The following PCDH15 variants were observed in gnomAD, a reference collection of about 807,000 sequenced individuals.
The protein encoded by PCDH15 is protocadherin related 15, also known as protocadherin-15.
Under a neutral mutation model 178.5 loss-of-function variants are expected in PCDH15, and 129 were observed. The ratio of observed to expected loss-of-function variants is 0.72; its 90% confidence interval spans 0.63 to 0.84. The LOEUF (loss-of-function observed/expected upper bound fraction) is 0.84. Among genes scored for constraint, PCDH15 ranks in the 40% least tolerant of loss-of-function variants. The pLI is 0.00. For synonymous variants in PCDH15, 800 were observed against 732.0 expected, an observed-to-expected ratio of 1.09 and a Z score of -1.50; for missense variants, 2,230 against 2,099.9, an observed-to-expected ratio of 1.06 and a Z score of -1.21.
Position 54,549,220 on chromosome 10 carries a change from T to TACAC in PCDH15, c.92-21347_92-21344dup, listed in dbSNP as rs4007220. On this transcript the variant is annotated intron_variant, in intron 2 of 37. Transcript: ENST00000644397. Reference sequence around the variant, plus strand: ...TTCTTTGTCCTTATTCTCTTTTCTTTACACACACACACACACAATATTTCA... The same window carrying TACAC: ...TTCTTTGTCCTTATTCTCTTTTCTTTACACACACACACACACACACAATATTTCA... Among the ~76,000 whole-genome samples, 192 of 150,382 alleles carry TACAC rather than the reference T, an allele frequency of 1.3e-3. 1 individual carries two copies. The Middle Eastern group carries it at 0.024, about 19-fold the overall frequency.
chr10:54,167,037 G>A (rs894054249), intron 13 of PCDH15, among the ~76,000 whole-genome samples: 1 of 152,008 alleles, frequency 6.6e-6, no homozygotes, highest in Admixed American at 6.5e-5. Context: ...CTCTCTTTTC[G>A]GACTCAGCCC....
At chr10:54,130,462 C>A (rs1462860452) in intron 15 of PCDH15, among the ~76,000 whole-genome samples, 4 of 152,092 alleles carry the variant, frequency 2.6e-5, no homozygotes, top group Admixed American at 6.6e-5. Flanking sequence ...CTATAACTGA[C>A]CCTTATTAGC....
chr10:55,310,970 C>T (rs1234153864), intron 1 of PCDH15, among the ~76,000 whole-genome samples: 3 of 152,018 alleles, frequency 2.0e-5, no homozygotes, highest in Admixed American at 1.3e-4. Flanking sequence ...ATGTGTATAC[C>T]TATGTAACAA....
chr10:55,258,660 C>A (rs889320215), intron 1 of PCDH15, among the ~76,000 whole-genome samples: 4 of 150,514 alleles, frequency 2.7e-5, no homozygotes, highest in Non-Finnish European at 5.9e-5. Context: ...AGTATAAATG[C>A]TAAGTATAAA....
At chr10:53,972,411 T>C (rs2089794682) in intron 21 of PCDH15, among the ~76,000 whole-genome samples, 3 of 152,206 alleles carry the variant, frequency 2.0e-5, no homozygotes, top group Admixed American at 2.0e-4. Context: ...CCAAAAGCAA[T>C]GGCAACAAAA....
intron 2 of PCDH15, among the ~76,000 whole-genome samples, chr10:55,003,613 T>G (rs180733362): frequency 6.6e-6 from 1 of 152,308 alleles, no homozygotes; most frequent in Admixed American, 6.5e-5. Flanking sequence ...GACAATGTGG[T>G]TGTTTGCATA....
At chr10:55,130,102 G>A (rs1007249499) in intron 2 of PCDH15, among the ~76,000 whole-genome samples, 1 of 152,156 alleles carries the variant, frequency 6.6e-6, no homozygotes, top group Non-Finnish European at 1.5e-5. Context: ...TAAGTGGTAT[G>A]AAGGCAAGCC....
At chr10:54,507,656 A>G (rs978197635) in intron 3 of PCDH15, among the ~76,000 whole-genome samples, 3 of 151,978 alleles carry the variant, frequency 2.0e-5, no homozygotes, top group African/African-American at 7.2e-5. Context: ...TATTGCTCCT[A>G]TTTAACAGAT....
At chr10:53,834,261 A>G (rs1040287824) in intron 29 of PCDH15, among the ~76,000 whole-genome samples, 3 of 152,166 alleles carry the variant, frequency 2.0e-5, no homozygotes, top group Admixed American at 6.5e-5. Context: ...GACTCAAGCC[A>G]TGTAAAACAC....
chr10:54,523,581 T>C (rs995261528), intron 3 of PCDH15, among the ~76,000 whole-genome samples: 1 of 152,200 alleles, frequency 6.6e-6, no homozygotes, highest in Non-Finnish European at 1.5e-5. Flanking sequence ...TTGAATTACA[T>C]AAGTAATTCA....
chr10:53,923,778 C>CT (rs2084213573), intron 25 of PCDH15, among the ~76,000 whole-genome samples: 1 of 152,056 alleles, frequency 6.6e-6, no homozygotes, highest in Non-Finnish European at 1.5e-5. Context: ...TTCTTGAAAC[C>CT]CTCTTCTCCT....
intron 3 of PCDH15, among the ~76,000 whole-genome samples, chr10:54,494,202 A>G (rs1224690031): frequency 1.3e-5 from 2 of 151,780 alleles, no homozygotes; most frequent in African/African-American, 4.8e-5. Context: ...TAACCTGCAC[A>G]TTGTGCACAT....
At chr10:55,155,055 G>A (rs1173900740) in intron 2 of PCDH15, among the ~76,000 whole-genome samples, 1 of 151,788 alleles carries the variant, frequency 6.6e-6, no homozygotes, top group East Asian at 2.0e-4. Context: ...ACAGAGAGAA[G>A]AGATGGAATG....
At chr10:54,148,736 T>C (rs2044227129) in intron 14 of PCDH15, among the ~76,000 whole-genome samples, 1 of 151,906 alleles carries the variant, frequency 6.6e-6, no homozygotes, top group Non-Finnish European at 1.5e-5. Flanking sequence ...CTGGGAAATA[T>C]TTTATCTTAT....
intron 2 of PCDH15, among the ~76,000 whole-genome samples, chr10:54,977,533 C>G (rs564972633): frequency 6.6e-6 from 1 of 152,294 alleles, no homozygotes; most frequent in Non-Finnish European, 1.5e-5. Flanking sequence ...CCCCAAACCT[C>G]AGCTCCAGGA....
rs77154266 is a variant in PCDH15 at position 54,674,403 on chromosome 10, T to C, written c.-28-10113A>G. 5.0e-3 allele frequency among the ~76,000 whole-genome samples: 764 copies of C among 152,282 alleles called. 7 individuals are homozygous for C. The highest frequency in any genetic ancestry group is 0.016 in the African/African-American group (676 of 41,578). On this transcript the variant is annotated intron_variant, in intron 1 of 37. Coordinates refer to ENST00000644397, the MANE Select transcript of PCDH15 (RefSeq NM_001384140.1). ...CTTTGTACTTTACCAATTTATACTA[T>C]GAAAATCATGTATGAAATGTATAGT... is the stretch of plus-strand genomic sequence containing the variant.
At chr10:55,613,874 C>T (rs1843420736) in intron 2 of PCDH15, among the ~76,000 whole-genome samples, 1 of 151,874 alleles carries the variant, frequency 6.6e-6, no homozygotes, top group South Asian at 2.1e-4. Flanking sequence ...TTTGGGATGC[C>T]GAGGCGGGTG....
intron 2 of PCDH15, among the ~76,000 whole-genome samples, chr10:55,031,956 A>C (rs1214653494): frequency 6.6e-6 from 1 of 152,220 alleles, no homozygotes; most frequent in Non-Finnish European, 1.5e-5. Context: ...GTTGTAACAA[A>C]TATCTAAAAA....
chr10:54,889,203 T>G (rs1420386378), intron 3 of PCDH15, among the ~76,000 whole-genome samples: 2 of 151,858 alleles, frequency 1.3e-5, no homozygotes, highest in Non-Finnish European at 2.9e-5. Flanking sequence ...AACCTTGATG[T>G]GAGAAAGACC....
Sources: gnomAD v4.1 joint callset for allele counts (sites outside exome capture counted in the v4.1 genomes callset) on GRCh38, gnomAD v4.1.1 for gene constraint, MANE v1.5 for transcripts, NCBI Gene and HGNC (gene_info 2026-07-23, HGNC 2026-07-21) for gene names.